The following ABTB3 variants were observed in gnomAD, a reference collection of about 807,000 sequenced individuals.
ABTB3 encodes the protein ankyrin repeat and BTB domain containing 3, also known as ankyrin repeat- and BTB/POZ domain-containing protein 3.
chr12:107,360,003 A>G, the ABTB3 span, among the ~76,000 whole-genome samples: 4 of 151,698 alleles, frequency 2.6e-5, no homozygotes, highest in South Asian at 8.4e-4. Context: ...TTTTCTTCCT[A>G]CCTCAGAACT....
the ABTB3 span, among the ~76,000 whole-genome samples, chr12:107,566,281 A>G: frequency 6.6e-6 from 1 of 151,416 alleles, no homozygotes; most frequent in Non-Finnish European, 1.5e-5. Flanking sequence ...CCCATCCCCT[A>G]CTTCCTCAAA....
chr12:107,319,804 G>C, the ABTB3 span: 45 of 1,385,604 alleles, frequency 3.2e-5, no homozygotes, highest in Middle Eastern at 2.6e-4. Context: ...ATAAAGAGCG[G>C]GAGGCGCCCG....
At chr12:107,496,126 T>A in the ABTB3 span, among the ~76,000 whole-genome samples, 1 of 152,178 alleles carries the variant, frequency 6.6e-6, no homozygotes, top group Admixed American at 6.5e-5. Context: ...ATAACAATGT[T>A]GGGTTTAGAA....
At chr12:107,515,401 C>T in the ABTB3 span, among the ~76,000 whole-genome samples, 2 of 152,214 alleles carry the variant, frequency 1.3e-5, no homozygotes, top group East Asian at 3.8e-4. Context: ...GCTGTGAAGT[C>T]CCCTCTGACC....
the ABTB3 span, among the ~76,000 whole-genome samples, chr12:107,353,742 CG>C: frequency 6.6e-6 from 1 of 152,132 alleles, no homozygotes; most frequent in Non-Finnish European, 1.5e-5. Flanking sequence ...TGCCTCCTAT[CG>C]GATCAGCGGC....
At chr12:107,394,674 G>T in the ABTB3 span, among the ~76,000 whole-genome samples, 1 of 152,178 alleles carries the variant, frequency 6.6e-6, no homozygotes, top group Admixed American at 6.5e-5. Flanking sequence ...TTCTCGGCAA[G>T]ATAATATTTT....
At chr12:107,527,435 C>T in the ABTB3 span, among the ~76,000 whole-genome samples, 1 of 152,166 alleles carries the variant, frequency 6.6e-6, no homozygotes, top group Non-Finnish European at 1.5e-5. Context: ...CCATGCCCAG[C>T]TAATTTTTGT....
At chr12:107,507,955 T>C in the ABTB3 span, among the ~76,000 whole-genome samples, 94 of 152,374 alleles carry the variant, frequency 6.2e-4, no homozygotes, top group Admixed American at 4.2e-3. Context: ...TCATGAACAT[T>C]GTACCTATTC....
At chr12:107,584,876 T>C in the ABTB3 span, among the ~76,000 whole-genome samples, 7 of 152,232 alleles carry the variant, frequency 4.6e-5, no homozygotes, top group Non-Finnish European at 8.8e-5. Flanking sequence ...TTCCATTCCA[T>C]GAGGCTGCAT....
At chr12:107,599,035 C>T in the ABTB3 span, among the ~76,000 whole-genome samples, 3 of 152,204 alleles carry the variant, frequency 2.0e-5, no homozygotes, top group African/African-American at 7.2e-5. Context: ...AGTTGATGCA[C>T]AAGTTGAACC....
chr12:107,535,269 G>A, the ABTB3 span, among the ~76,000 whole-genome samples: 2 of 151,986 alleles, frequency 1.3e-5, no homozygotes, highest in Non-Finnish European at 2.9e-5. Flanking sequence ...AGGCATAGAA[G>A]GAAAAAACCT....
chr12:107,445,027 A>AC, the ABTB3 span, among the ~76,000 whole-genome samples: 4 of 152,158 alleles, frequency 2.6e-5, no homozygotes, highest in African/African-American at 7.2e-5. Context: ...AGCATCGCTG[A>AC]CCGCTTTGCC....
chr12:107,320,155 C>G, the ABTB3 span: 1 of 1,347,526 alleles, frequency 7.4e-7, no homozygotes, highest in Non-Finnish European at 9.6e-7. Flanking sequence ...GTCCCCCTCC[C>G]GCGTCTTCCC....
chr12:107,363,585 C>T, the ABTB3 span, among the ~76,000 whole-genome samples: 9 of 152,248 alleles, frequency 5.9e-5, no homozygotes, highest in South Asian at 2.1e-4. Flanking sequence ...TTTCTTTAAG[C>T]GGTTTTCCAT....
At chr12:107,334,903 G>T in the ABTB3 span, among the ~76,000 whole-genome samples, 23 of 152,082 alleles carry the variant, frequency 1.5e-4, no homozygotes, top group African/African-American at 5.6e-4. Context: ...GCATCAGGTG[G>T]TATTTGAGGT....
chr12:107,446,968 G>T, the ABTB3 span, among the ~76,000 whole-genome samples: 1 of 152,148 alleles, frequency 6.6e-6, no homozygotes, highest in African/African-American at 2.4e-5. Context: ...TTTTAAAAAG[G>T]ATATTCTCAT....
the ABTB3 span, among the ~76,000 whole-genome samples, chr12:107,443,168 T>C: frequency 6.6e-6 from 1 of 152,050 alleles, no homozygotes; most frequent in Non-Finnish European, 1.5e-5. Flanking sequence ...ATTTATAGCA[T>C]AGCAGCAGCC....
the ABTB3 span, among the ~76,000 whole-genome samples, chr12:107,480,944 G>A: frequency 6.6e-6 from 1 of 152,182 alleles, no homozygotes; most frequent in African/African-American, 2.4e-5. Flanking sequence ...GAAGAGGGAA[G>A]GGTAGAAGTT....
the ABTB3 span, among the ~76,000 whole-genome samples, chr12:107,349,566 G>A: frequency 6.6e-6 from 1 of 152,170 alleles, no homozygotes; most frequent in Admixed American, 6.5e-5. Flanking sequence ...CTGAGTCTTT[G>A]TTTCTTCAGC....
Sources: gnomAD v4.1 joint callset for allele counts (sites outside exome capture counted in the v4.1 genomes callset) on GRCh38, gnomAD v4.1.1 for gene constraint, MANE v1.5 for transcripts, NCBI Gene and HGNC (gene_info 2026-07-23, HGNC 2026-07-21) for gene names.